KCNQ5: variants seen among roughly 807,000 people sequenced by gnomAD.
The protein encoded by KCNQ5 is potassium voltage-gated channel subfamily Q member 5, also known as potassium voltage-gated channel subfamily KQT member 5.
KCNQ5 carries 30 observed loss-of-function variants against 98.2 expected under a neutral mutation model. The ratio of observed to expected loss-of-function variants is 0.31; its 90% CI spans 0.23 to 0.41. The LOEUF (loss-of-function observed/expected upper bound fraction) is 0.41, where lower values mean the gene tolerates loss of function less well. Ranked by LOEUF, KCNQ5 falls within the 10% of genes least tolerant of loss-of-function variation. KCNQ5 has a pLI of 1.00. For missense variants in KCNQ5, 835 were observed against 1,182.5 expected (o/e 0.71, Z 4.31); for synonymous variants, 458 against 449.4 (o/e 1.02, Z -0.24).
intron 7 of KCNQ5, among the ~76,000 whole-genome samples, chr6:73,118,850 G>A (rs1047921177): frequency 4.7e-4 from 71 of 152,120 alleles, no homozygotes; most frequent in African/African-American, 1.7e-3. Context: ...GTGAAACCCT[G>A]TCTCTACTAA....
intron 1 of KCNQ5, among the ~76,000 whole-genome samples, chr6:72,695,946 A>C (rs1768472684): frequency 6.6e-6 from 1 of 152,192 alleles, no homozygotes; most frequent in South Asian, 2.1e-4. Flanking sequence ...AGTGAGCCAA[A>C]AGTAATGTTT....
chr6:72,811,624 A>C (rs575781822), intron 1 of KCNQ5, among the ~76,000 whole-genome samples: 21 of 152,308 alleles, frequency 1.4e-4, no homozygotes, highest in African/African-American at 4.8e-4. Context: ...AGCATGTGTC[A>C]CAATTGGCAT....
At chr6:72,831,208 A>C (rs1359924287) in intron 1 of KCNQ5, among the ~76,000 whole-genome samples, 3 of 152,224 alleles carry the variant, frequency 2.0e-5, no homozygotes, top group Non-Finnish European at 4.4e-5. Flanking sequence ...ATACCATTTC[A>C]CCCAGCCATC....
At chr6:72,853,490 C>T (rs746551674) in intron 1 of KCNQ5, among the ~76,000 whole-genome samples, 16 of 152,100 alleles carry the variant, frequency 1.1e-4, no homozygotes, top group Non-Finnish European at 4.4e-5. Context: ...ACTACAGGCA[C>T]GTGCCACTAC....
chr6:72,812,712 G>T (rs1025373200), intron 1 of KCNQ5, among the ~76,000 whole-genome samples: 2 of 152,134 alleles, frequency 1.3e-5, no homozygotes, highest in African/African-American at 2.4e-5. Flanking sequence ...CCAAAGGCTA[G>T]CTCCACTTAG....
chr6:72,866,820 G>A (rs1424878577), intron 1 of KCNQ5, among the ~76,000 whole-genome samples: 3 of 152,080 alleles, frequency 2.0e-5, no homozygotes, highest in East Asian at 1.9e-4. Flanking sequence ...CATAACCTCC[G>A]TCATTAACAT....
intron 1 of KCNQ5, among the ~76,000 whole-genome samples, chr6:72,788,298 C>T (rs1235502435): frequency 6.6e-6 from 1 of 152,178 alleles, no homozygotes; most frequent in Non-Finnish European, 1.5e-5. Flanking sequence ...TGCTACTTTC[C>T]CTGGAAAGCC....
intron 3 of KCNQ5, among the ~76,000 whole-genome samples, chr6:73,044,889 A>G (rs1300148822): frequency 4.6e-5 from 7 of 152,336 alleles, no homozygotes; most frequent in African/African-American, 1.7e-4. Flanking sequence ...TACACACCCA[A>G]ATATTTTTAG....
Position 72,779,536 on chromosome 6 carries a change from G to A in KCNQ5, c.398+156949G>A, listed in dbSNP as rs573235964. Among the ~76,000 whole-genome samples the A allele has an allele frequency of 9.2e-5, 14 of 152,196 alleles. No individual in the cohort carries two copies. The South Asian group carries it at 2.9e-3, about 32-fold the overall frequency. On this transcript the variant is annotated intron_variant, in intron 1 of 13. Transcript: ENST00000370398. ...TAATCTGCTGAGAATAAGGTTAGGT[G>A]GAGTTCTAGGAGAGCAGTGAGTATT...
intron 1 of KCNQ5, among the ~76,000 whole-genome samples, chr6:72,934,833 T>G (rs1765834392): frequency 6.6e-6 from 1 of 152,176 alleles, no homozygotes; most frequent in Non-Finnish European, 1.5e-5. Context: ...ATCTCACTTC[T>G]TATTCTTGCA....
chr6:72,934,123 A>C (rs769531253), intron 1 of KCNQ5, among the ~76,000 whole-genome samples: 2 of 152,216 alleles, frequency 1.3e-5, no homozygotes, highest in Non-Finnish European at 2.9e-5. Flanking sequence ...TGTCAGAGGC[A>C]TGAAGATCCT....
At chr6:73,183,323 C>T (rs1407049418) in intron 11 of KCNQ5, among the ~76,000 whole-genome samples, 1 of 152,170 alleles carries the variant, frequency 6.6e-6, no homozygotes, top group African/African-American at 2.4e-5. Context: ...CTGAGCTTTA[C>T]TTGACCCAAA....
intron 11 of KCNQ5, among the ~76,000 whole-genome samples, chr6:73,186,915 A>G (rs1339697646): frequency 1.3e-5 from 2 of 151,872 alleles, no homozygotes; most frequent in Admixed American, 1.3e-4. Context: ...TACATTAGGT[A>G]TTTCTCCTAA....
intron 1 of KCNQ5, among the ~76,000 whole-genome samples, chr6:72,720,187 C>T (rs796517799): frequency 5.9e-5 from 9 of 152,308 alleles, no homozygotes; most frequent in African/African-American, 2.2e-4. Context: ...GTTTTAGTAT[C>T]ATCTCCGTTG....
Position 72,901,364 on chromosome 6 carries a change from T to C in KCNQ5, c.399-102544T>C, listed in dbSNP as rs186814513. On this transcript the variant is annotated intron_variant, in intron 1 of 13. Coordinates refer to ENST00000370398, the MANE Select transcript of KCNQ5 (RefSeq NM_019842.4). ...AAAGCTCTTTTAATTAAGTCCCCGC[T>C]ATTTATCTCTGTTTTTATTGCATTT... Among the ~76,000 whole-genome samples the C allele has an allele frequency of 5.8e-4, 88 of 152,272 alleles. 1 individual carries two copies. Among genetic ancestry groups the C allele is most frequent in the Admixed American group, 8.5e-4 (13 of 15,290 alleles).
intron 7 of KCNQ5, 46 bp downstream of exon 7, chr6:73,111,449 T>G: frequency 8.2e-7 from 1 of 1,224,246 alleles, no homozygotes; most frequent in Non-Finnish European, 1.2e-6. Context: ...GTGTCCATAG[T>G]GCTTGATGGG....
rs528893473 is a variant in KCNQ5 at position 73,095,841 on chromosome 6, A to C, written c.919-9416A>C. Among the ~76,000 whole-genome samples, 3 of 152,308 alleles carry C rather than the reference A, an allele frequency of 2.0e-5. No individual in the cohort carries two copies. In the South Asian group the frequency reaches 6.2e-4, roughly 32 times the overall value. On this transcript the variant is annotated intron_variant, in intron 5 of 13. Coordinates refer to ENST00000370398, the MANE Select transcript of KCNQ5 (RefSeq NM_019842.4). Reference sequence around the variant, plus strand: ...GGTGTCTCCTAGGTCCTTCAGGAGCAATCTGCTTCCTGCAGGGGGTCTGTG... The same window carrying C: ...GGTGTCTCCTAGGTCCTTCAGGAGCCATCTGCTTCCTGCAGGGGGTCTGTG...
At chr6:72,905,527 G>A (rs148260516) in intron 1 of KCNQ5, among the ~76,000 whole-genome samples, 41 of 152,236 alleles carry the variant, frequency 2.7e-4, no homozygotes, top group Admixed American at 8.5e-4. Flanking sequence ...GAAGGTCTAG[G>A]GCTGAAGGTT....
At chr6:73,142,607 G>A (rs1776767010) in intron 10 of KCNQ5, among the ~76,000 whole-genome samples, 1 of 152,010 alleles carries the variant, frequency 6.6e-6, no homozygotes, top group East Asian at 1.9e-4. Flanking sequence ...TGTGATTACT[G>A]CAGCAACAAG....
Sources: gnomAD v4.1 joint callset for allele counts (sites outside exome capture counted in the v4.1 genomes callset) on GRCh38, gnomAD v4.1.1 for gene constraint, MANE v1.5 for transcripts, NCBI Gene and HGNC (gene_info 2026-07-23, HGNC 2026-07-21) for gene names.